SORCS1: variants seen among roughly 807,000 people sequenced by gnomAD.
The protein encoded by SORCS1 is VPS10 domain-containing receptor SorCS1.
Under a neutral mutation model 146.1 loss-of-function variants are expected in SORCS1, and 60 were observed. That is an observed-to-expected ratio of 0.41 (90% CI 0.33 to 0.51). The LOEUF (loss-of-function observed/expected upper bound fraction) is 0.51. SORCS1 is among the 20% of genes least tolerant of loss of function. SORCS1 has a pLI of 0.21. For synonymous variants in SORCS1, 637 were observed against 584.0 expected (o/e 1.09, Z -1.31); for missense variants, 1,352 against 1,487.6 (o/e 0.91, Z 1.50).
chr10:106,782,952 T>C (rs1205997640), intron 3 of SORCS1, among the ~76,000 whole-genome samples: 2 of 152,072 alleles, frequency 1.3e-5, no homozygotes, highest in Admixed American at 6.6e-5. Context: ...CCTCACAAAA[T>C]AGAAAAGAAG....
the SORCS1 span, among the ~76,000 whole-genome samples, chr10:107,177,525 C>A: frequency 6.6e-6 from 1 of 152,046 alleles, no homozygotes. Context: ...TTTATAGGAT[C>A]TGTTGCACAA....
intron 24 of SORCS1, among the ~76,000 whole-genome samples, chr10:106,592,183 C>T (rs973001969): frequency 6.6e-6 from 1 of 152,152 alleles, no homozygotes; most frequent in African/African-American, 2.4e-5. Context: ...ATTTCAGAAA[C>T]ATACCTGTCA....
At chr10:106,589,191 C>A (rs939910959) in intron 24 of SORCS1, among the ~76,000 whole-genome samples, 1 of 152,178 alleles carries the variant, frequency 6.6e-6, no homozygotes, top group East Asian at 1.9e-4. Context: ...TTACGAAGGG[C>A]ACATAATCCC....
chr10:107,004,697 G>A (rs1048186345), intron 1 of SORCS1, among the ~76,000 whole-genome samples: 1 of 152,060 alleles, frequency 6.6e-6, no homozygotes, highest in African/African-American at 2.4e-5. Context: ...TACCAGAAGT[G>A]GCTACTCTTC....
intron 6 of SORCS1, among the ~76,000 whole-genome samples, chr10:106,729,263 A>T (rs1394165758): frequency 6.6e-6 from 1 of 152,172 alleles, no homozygotes; most frequent in East Asian, 1.9e-4. Context: ...TTGCTTCTTC[A>T]TATGTGAAAT....
intron 2 of SORCS1, among the ~76,000 whole-genome samples, chr10:106,948,637 G>GAAAAAAAA: frequency 6.6e-6 from 1 of 151,230 alleles, no homozygotes; most frequent in African/African-American, 2.4e-5. Flanking sequence ...CAGTGACAGA[G>GAAAAAAAA]CAAGACCCTG....
At chr10:107,169,048 T>G (rs11193226), upstream of SORCS1, among the ~76,000 whole-genome samples, 34,642 of 152,002 alleles carry the variant, frequency 0.23, 4,031 homozygotes, top group African/African-American at 0.27. Flanking sequence ...AAAGAGAATG[T>G]TATAACCACT....
At chr10:106,820,513 G>T (rs903498998) in intron 3 of SORCS1, among the ~76,000 whole-genome samples, 1 of 152,144 alleles carries the variant, frequency 6.6e-6, no homozygotes. Context: ...TGTTTGAATG[G>T]AAACAATTTA....
At chr10:106,753,681 A>AT (rs940554700) in intron 5 of SORCS1, among the ~76,000 whole-genome samples, 1 of 148,356 alleles carries the variant, frequency 6.7e-6, no homozygotes, top group Non-Finnish European at 1.5e-5. Context: ...GGCCAGGTAT[A>AT]TTAAAAAAAA....
At chr10:106,717,492 A>G (rs1171336231) in intron 6 of SORCS1, among the ~76,000 whole-genome samples, 2 of 152,250 alleles carry the variant, frequency 1.3e-5, no homozygotes, top group Non-Finnish European at 2.9e-5. Flanking sequence ...TGGCATGATG[A>G]GTGTGATTTA....
At chr10:107,112,037 C>T (rs1469637568) in intron 1 of SORCS1, among the ~76,000 whole-genome samples, 3 of 152,024 alleles carry the variant, frequency 2.0e-5, no homozygotes, top group Non-Finnish European at 4.4e-5. Context: ...CATGTAACAA[C>T]ATGAAAACAT....
At chr10:106,767,386 T>G (rs1297308664) in intron 4 of SORCS1, among the ~76,000 whole-genome samples, 2 of 152,148 alleles carry the variant, frequency 1.3e-5, no homozygotes, top group Non-Finnish European at 2.9e-5. Context: ...AATATATGAC[T>G]GTGGGCGAGT....
At chr10:106,872,414 A>G (rs1034139955) in intron 2 of SORCS1, among the ~76,000 whole-genome samples, 1 of 152,212 alleles carries the variant, frequency 6.6e-6, no homozygotes, top group Non-Finnish European at 1.5e-5. Context: ...AAAGATGATC[A>G]TTCACCACGA....
intron 1 of SORCS1, among the ~76,000 whole-genome samples, chr10:107,112,925 C>T (rs1386339529): frequency 6.6e-6 from 1 of 152,104 alleles, no homozygotes; most frequent in Non-Finnish European, 1.5e-5. Context: ...TTCAATAACC[C>T]ATTTTTCAAC....
intron 8 of SORCS1, among the ~76,000 whole-genome samples, chr10:106,700,787 C>T (rs1854084621): frequency 6.6e-6 from 1 of 152,256 alleles, no homozygotes; most frequent in African/African-American, 2.4e-5. Context: ...AGTCCATATC[C>T]AAAGGGCTTT....
intron 2 of SORCS1, among the ~76,000 whole-genome samples, chr10:106,869,724 C>G (rs58293592): frequency 0.025 from 3,814 of 152,276 alleles, 155 homozygotes; most frequent in African/African-American, 0.087. Flanking sequence ...GAAAAACCCA[C>G]AGCCAACATC....
chr10:106,940,176 G>T (rs906456407), intron 2 of SORCS1, among the ~76,000 whole-genome samples: 3 of 152,164 alleles, frequency 2.0e-5, no homozygotes, highest in African/African-American at 7.2e-5. Context: ...CCTCCCTCAA[G>T]TGCAATGACA....
At chr10:107,070,234 G>A (rs776456442) in intron 1 of SORCS1, among the ~76,000 whole-genome samples, 5 of 151,830 alleles carry the variant, frequency 3.3e-5, no homozygotes, top group African/African-American at 4.8e-5. Flanking sequence ...TTCCTAGTAC[G>A]AATAATGCTT....
chr10:106,627,004 T>G (rs1186503787), intron 19 of SORCS1, among the ~76,000 whole-genome samples: 3 of 152,202 alleles, frequency 2.0e-5, no homozygotes, highest in Non-Finnish European at 4.4e-5. Context: ...TCCAATCAAC[T>G]AGGCTAATGA....
Sources: gnomAD v4.1 joint callset for allele counts (sites outside exome capture counted in the v4.1 genomes callset) on GRCh38, gnomAD v4.1.1 for gene constraint, MANE v1.5 for transcripts, NCBI Gene and HGNC (gene_info 2026-07-23, HGNC 2026-07-21) for gene names.